TMOD2: variants seen among roughly 807,000 people sequenced by gnomAD.
The protein encoded by TMOD2 is tropomodulin-2.
TMOD2 carries 22 observed loss-of-function variants against 39.9 expected under a neutral mutation model. That is an observed-to-expected ratio of 0.55 (90% CI 0.39 to 0.79). TMOD2 has a LOEUF of 0.79. TMOD2 is among the 30% of genes least tolerant of loss of function. TMOD2 has a pLI of 0.00. For missense variants in TMOD2, 386 were observed against 413.3 expected, an observed-to-expected ratio of 0.93 and a Z score of 0.57; for synonymous variants, 123 against 146.1, an observed-to-expected ratio of 0.84 and a Z score of 1.14.
intron 1 of TMOD2, among the ~76,000 whole-genome samples, chr15:51,761,016 C>T (rs938949387): frequency 6.6e-6 from 1 of 151,928 alleles, no homozygotes; most frequent in African/African-American, 2.4e-5. Context: ...AGGTTAAAGC[C>T]AAATCATGGG....
rs916795365 is a variant in TMOD2, at chr15:51,816,077, C to G, written c.*7623C>G. 4 of 152,158 alleles carry G rather than the reference C, an allele frequency of 2.6e-5. No individual in the cohort carries two copies. Among genetic ancestry groups the G allele is most frequent in the African/African-American group, 9.7e-5 (4 of 41,436 alleles). The allele number at this position is 152,158 out of a possible 1,614,324, so 9.4% of individuals were successfully genotyped here. A position where few individuals can be genotyped will look rare whatever the true frequency, so the allele number is the denominator to read the frequency against. On this transcript the variant is annotated 3_prime_UTR_variant, in exon 10 of 10. Transcript: ENST00000249700. ...TGCTTTTTAAATGTGAAGTTGAACACTGTGTGGAAAGTAAATGTGTGATGA... is the reference window on the plus strand; with the variant it reads ...TGCTTTTTAAATGTGAAGTTGAACAGTGTGTGGAAAGTAAATGTGTGATGA...
At chr15:51,775,713 GATTAC>G (rs1366786987) in intron 4 of TMOD2, among the ~76,000 whole-genome samples, 2 of 151,780 alleles carry the variant, frequency 1.3e-5, no homozygotes, top group Non-Finnish European at 2.9e-5. Flanking sequence ...AAGTAGCTGG[GATTAC>G]AGGTGCCCGC....
intron 3 of TMOD2, 52 bp downstream of exon 3, chr15:51,768,470 T>G (rs2055831947): frequency 6.4e-7 from 1 of 1,551,334 alleles, no homozygotes; most frequent in South Asian, 1.2e-5. Flanking sequence ...CTTTTTTTTT[T>G]TTGGAACGGA....
intron 5 of TMOD2, among the ~76,000 whole-genome samples, chr15:51,778,268 T>G (rs1220416875): frequency 7.3e-6 from 1 of 137,576 alleles, no homozygotes; most frequent in Non-Finnish European, 1.5e-5. Flanking sequence ...TTCTCACTCA[T>G]AGATGGGAAT....
intron 1 of TMOD2, among the ~76,000 whole-genome samples, chr15:51,763,000 A>G (rs1248417251): frequency 3.3e-5 from 5 of 151,840 alleles, no homozygotes; most frequent in African/African-American, 9.7e-5. Flanking sequence ...CAGTGGTGCA[A>G]TCATAGCTCA....
At chr15:51,798,097 T>A (rs1393883820) in intron 7 of TMOD2, 100 bp from the exon 8 acceptor site, 2 of 1,038,382 alleles carry the variant, frequency 1.9e-6, no homozygotes, top group South Asian at 3.6e-5. Flanking sequence ...CTTTAAGTGC[T>A]AGAAAACATC....
At chr15:51,762,271 A>G (rs1048321626) in intron 1 of TMOD2, among the ~76,000 whole-genome samples, 2 of 152,052 alleles carry the variant, frequency 1.3e-5, no homozygotes, top group Non-Finnish European at 2.9e-5. Context: ...AGCCTGGACA[A>G]CATAGTGAGA....
chr15:51,762,504 A>T (rs538557683), intron 1 of TMOD2, among the ~76,000 whole-genome samples: 1 of 152,318 alleles, frequency 6.6e-6, no homozygotes, highest in South Asian at 2.1e-4. Flanking sequence ...GCTGTTTTCG[A>T]CTTCCACATA....
intron 8 of TMOD2, among the ~76,000 whole-genome samples, chr15:51,803,381 A>G (rs988717343): frequency 2.0e-5 from 3 of 152,104 alleles, no homozygotes; most frequent in East Asian, 3.9e-4. Flanking sequence ...GAATTTCACC[A>G]TGTTCACCAG....
chr15:51,773,873 A>T (rs547038584), intron 4 of TMOD2, 39 bp downstream of exon 4: 1 of 1,577,766 alleles, frequency 6.3e-7, no homozygotes, highest in East Asian at 2.2e-5. Context: ...GTCTGGCTCT[A>T]TGACCTCCGA....
At chr15:51,807,032 G>A (rs2056125813) in intron 9 of TMOD2, among the ~76,000 whole-genome samples, 1 of 152,194 alleles carries the variant, frequency 6.6e-6, no homozygotes, top group Non-Finnish European at 1.5e-5. Context: ...GCCACTTGTT[G>A]CTGAGGATCC....
At chr15:51,806,660 T>C in intron 9 of TMOD2, 139 bp downstream of exon 9, 2 of 922,388 alleles carry the variant, frequency 2.2e-6, no homozygotes, top group South Asian at 3.5e-5. Context: ...CGCATTATTA[T>C]AATACATGGT....
At chr15:51,761,125 A>G (rs764294943) in intron 1 of TMOD2, among the ~76,000 whole-genome samples, 1 of 152,206 alleles carries the variant, frequency 6.6e-6, no homozygotes, top group Non-Finnish European at 1.5e-5. Context: ...TGTTGAGAAA[A>G]ATGATCCAAT....
chr15:51,788,611 G>T (rs529054361), intron 7 of TMOD2, among the ~76,000 whole-genome samples: 1 of 152,130 alleles, frequency 6.6e-6, no homozygotes, highest in Non-Finnish European at 1.5e-5. Flanking sequence ...AAATGTTAAG[G>T]GCAGCCAGAG....
chr15:51,803,023 A>G (rs975080273), intron 8 of TMOD2, among the ~76,000 whole-genome samples: 3 of 152,220 alleles, frequency 2.0e-5, no homozygotes, highest in African/African-American at 4.8e-5. Context: ...AACTTATTAC[A>G]AAGTAATCAA....
chr15:51,787,086 T>G (rs1340118017), intron 7 of TMOD2, among the ~76,000 whole-genome samples: 1 of 152,164 alleles, frequency 6.6e-6, no homozygotes, highest in Non-Finnish European at 1.5e-5. Context: ...AGAGAAGCCA[T>G]GAGTGACTGT....
At chr15:51,801,978 C>T (rs1470515970) in intron 8 of TMOD2, among the ~76,000 whole-genome samples, 3 of 150,386 alleles carry the variant, frequency 2.0e-5, no homozygotes, top group South Asian at 2.1e-4. Context: ...TAATTTAATA[C>T]ACTACATACT....
At chr15:51,760,244 A>G (rs1448948284) in intron 1 of TMOD2, among the ~76,000 whole-genome samples, 2 of 152,252 alleles carry the variant, frequency 1.3e-5, no homozygotes, top group Non-Finnish European at 2.9e-5. Flanking sequence ...TGTGGAAGTT[A>G]GAAGTCTGAA....
At chr15:51,790,453 C>G (rs931149696) in intron 7 of TMOD2, among the ~76,000 whole-genome samples, 1 of 152,168 alleles carries the variant, frequency 6.6e-6, no homozygotes, top group Non-Finnish European at 1.5e-5. Context: ...ATCATTCCTT[C>G]TGAAACTATT....
Sources: gnomAD v4.1 joint callset for allele counts (sites outside exome capture counted in the v4.1 genomes callset) on GRCh38, gnomAD v4.1.1 for gene constraint, MANE v1.5 for transcripts, NCBI Gene and HGNC (gene_info 2026-07-23, HGNC 2026-07-21) for gene names.